PRKCH: variants seen among roughly 807,000 people sequenced by gnomAD.
The protein encoded by PRKCH is protein kinase C eta.
PRKCH carries 28 observed loss-of-function variants against 82.5 expected under a neutral mutation model. The observed-to-expected ratio is 0.34, with a 90% CI of 0.25 to 0.47. The LOEUF (loss-of-function observed/expected upper bound fraction) is 0.47, where lower values mean the gene tolerates loss of function less well. PRKCH is among the 20% of genes least tolerant of loss of function. PRKCH has a pLI of 1.00. For synonymous variants in PRKCH, 322 were observed against 327.4 expected (o/e 0.98, Z 0.18); for missense variants, 705 against 881.8 (o/e 0.80, Z 2.54).
At chr14:61,223,337 C>T (rs1236831264) in intron 1 of PRKCH, among the ~76,000 whole-genome samples, 1 of 152,172 alleles carries the variant, frequency 6.6e-6, no homozygotes, top group Non-Finnish European at 1.5e-5. Flanking sequence ...GGGGTGGGAC[C>T]TAAAGGTTTG....
intron 1 of PRKCH, among the ~76,000 whole-genome samples, chr14:61,299,319 G>A (rs180860786): frequency 1.9e-4 from 29 of 152,226 alleles, no homozygotes; most frequent in African/African-American, 4.3e-4. Context: ...GGAGTTGTAT[G>A]CATGCTCACC....
intron 1 of PRKCH, among the ~76,000 whole-genome samples, chr14:61,262,456 A>G (rs1701823626): frequency 6.6e-6 from 1 of 152,190 alleles, no homozygotes; most frequent in Non-Finnish European, 1.5e-5. Flanking sequence ...AGTATGATTC[A>G]TTTATATGAA....
intron 2 of PRKCH, among the ~76,000 whole-genome samples, chr14:61,420,846 A>G (rs1287163528): frequency 6.6e-6 from 1 of 152,096 alleles, no homozygotes; most frequent in Admixed American, 6.6e-5. Context: ...ATATCTCTCT[A>G]TCAACCCCAT....
intron 10 of PRKCH, among the ~76,000 whole-genome samples, chr14:61,503,440 T>C (rs1451634521): frequency 4.6e-5 from 7 of 152,134 alleles, no homozygotes; most frequent in Non-Finnish European, 1.0e-4. Context: ...TGTGCAGTCT[T>C]TGTCTGTTTC....
chr14:61,239,370 C>T (rs2044816015), intron 1 of PRKCH, among the ~76,000 whole-genome samples: 1 of 152,096 alleles, frequency 6.6e-6, no homozygotes, highest in Non-Finnish European at 1.5e-5. Context: ...TTAATGAGCG[C>T]CTGGGTGCAG....
intron 2 of PRKCH, among the ~76,000 whole-genome samples, chr14:61,412,770 T>C (rs1349786479): frequency 6.6e-6 from 1 of 152,182 alleles, no homozygotes; most frequent in Non-Finnish European, 1.5e-5. Context: ...CCACTTTTTT[T>C]CCCACTCATA....
intron 2 of PRKCH, among the ~76,000 whole-genome samples, chr14:61,436,810 G>A (rs1278649288): frequency 6.6e-6 from 1 of 152,228 alleles, no homozygotes; most frequent in Non-Finnish European, 1.5e-5. Flanking sequence ...GGGATTACAG[G>A]CATGAGCCGC....
chr14:61,190,441 T>C (rs911771810), intron 1 of PRKCH, among the ~76,000 whole-genome samples: 1 of 152,202 alleles, frequency 6.6e-6, no homozygotes, highest in Non-Finnish European at 1.5e-5. Flanking sequence ...CCCTATTTAG[T>C]CCATTCTCTA....
chr14:61,470,320 C>T (rs937437721), intron 9 of PRKCH, among the ~76,000 whole-genome samples: 6 of 125,610 alleles, frequency 4.8e-5, no homozygotes, highest in African/African-American at 2.2e-4. Flanking sequence ...CATTTGCTCC[C>T]GTTGCCACTT....
intron 10 of PRKCH, among the ~76,000 whole-genome samples, chr14:61,489,123 C>T (rs746922659): frequency 1.3e-5 from 2 of 152,142 alleles, no homozygotes; most frequent in Non-Finnish European, 2.9e-5. Context: ...ATTTGGGTCA[C>T]AGAGGGTGTG....
intron 2 of PRKCH, among the ~76,000 whole-genome samples, chr14:61,422,643 G>A (rs1052304657): frequency 2.6e-5 from 4 of 152,174 alleles, no homozygotes; most frequent in Non-Finnish European, 4.4e-5. Context: ...CATGCATACT[G>A]GAGATAAAGC....
intron 9 of PRKCH, among the ~76,000 whole-genome samples, chr14:61,475,429 G>C (rs914814432): frequency 2.0e-4 from 31 of 152,152 alleles, no homozygotes; most frequent in Non-Finnish European, 4.6e-4. Context: ...CGACCACTAG[G>C]GGGTGCTCTA....
At chr14:61,510,330 G>A (rs1887320926) in intron 10 of PRKCH, among the ~76,000 whole-genome samples, 1 of 152,162 alleles carries the variant, frequency 6.6e-6, no homozygotes, top group Non-Finnish European at 1.5e-5. Context: ...AGTAAGCCTG[G>A]AAGCCAGGAG....
Position 61,202,119 on chromosome 14 carries a change from T to C in PRKCH, c.-19+14451T>C, listed in dbSNP as rs370156695. 3.6e-4 allele frequency among the ~76,000 whole-genome samples: 55 copies of C among 152,272 alleles called. No homozygotes were observed. The South Asian group carries it at 0.011, about 32-fold the overall frequency. The stretch of plus-strand genomic sequence containing the variant: ...GCACCAAGTGGGATGAGGGGCTTCT[T>C]CCAAAGGCTGGAACCACAGCCCCCC... On this transcript the variant is annotated intron_variant, in intron 1 of 3. Coordinates refer to the PRKCH transcript ENST00000555185.
At chr14:61,445,222 G>A (rs1366333675) in intron 3 of PRKCH, among the ~76,000 whole-genome samples, 1 of 152,226 alleles carries the variant, frequency 6.6e-6, no homozygotes, top group Admixed American at 6.5e-5. Context: ...CCCACCTGTG[G>A]ACTCCAGGGG....
intron 2 of PRKCH, among the ~76,000 whole-genome samples, chr14:61,414,002 C>T (rs1882423016): frequency 6.6e-6 from 1 of 152,202 alleles, no homozygotes; most frequent in Non-Finnish European, 1.5e-5. Context: ...TTCTGCAACT[C>T]TGAAGTCTGG....
chr14:61,477,218 A>G (rs1039025798), intron 9 of PRKCH: 4 of 152,262 alleles, frequency 2.6e-5, no homozygotes, highest in Non-Finnish European at 5.9e-5. Context: ...TCATGTAGAA[A>G]TACTCCAAGG....
intron 1 of PRKCH, among the ~76,000 whole-genome samples, chr14:61,254,453 A>C (rs1428836812): frequency 6.6e-6 from 1 of 152,016 alleles, no homozygotes; most frequent in African/African-American, 2.4e-5. Context: ...ATCTCTACAA[A>C]AAAATGTTTT....
chr14:61,260,626 A>G (rs922364638), intron 1 of PRKCH, among the ~76,000 whole-genome samples: 1 of 152,210 alleles, frequency 6.6e-6, no homozygotes, highest in African/African-American at 2.4e-5. Context: ...TTATTAATCC[A>G]TGTAATCTGT....
Sources: allele counts gnomAD v4.1 joint callset (sites outside exome capture counted in the v4.1 genomes callset), GRCh38; gene constraint gnomAD v4.1.1; transcripts MANE v1.5; gene names NCBI Gene and HGNC (gene_info 2026-07-23, HGNC 2026-07-21).